PKIG: variants seen among roughly 807,000 people sequenced by gnomAD.
PKIG encodes cAMP-dependent protein kinase inhibitor gamma, also known as protein kinase (cAMP-dependent, catalytic) inhibitor gamma.
In PKIG, 1 loss-of-function variant was observed where a neutral mutation model predicts 6.8. That is an observed-to-expected ratio of 0.15 (90% CI 0.05 to 0.69). PKIG has a LOEUF of 0.69. Ranked by LOEUF, PKIG falls within the 30% of genes least tolerant of loss-of-function variation. The pLI is 0.82. For synonymous variants in PKIG, 39 were observed against 43.0 expected (o/e 0.91, Z 0.36); for missense variants, 77 against 104.0 (o/e 0.74, Z 1.13).
At chr20:44,588,961 T>C (rs181868908) in intron 1 of PKIG, among the ~76,000 whole-genome samples, 1 of 152,332 alleles carries the variant, frequency 6.6e-6, no homozygotes, top group East Asian at 1.9e-4. Flanking sequence ...AAATAGATAA[T>C]GTACAAAGTG....
chr20:44,532,847 C>G (rs568880723), intron 1 of PKIG, among the ~76,000 whole-genome samples: 1 of 152,210 alleles, frequency 6.6e-6, no homozygotes, highest in South Asian at 2.1e-4. Flanking sequence ...AGAGAAAAGC[C>G]TTGGGGAGAG....
At chr20:44,543,766 T>G (rs2064584106) in intron 1 of PKIG, among the ~76,000 whole-genome samples, 1 of 152,064 alleles carries the variant, frequency 6.6e-6, no homozygotes, top group South Asian at 2.1e-4. Context: ...AGAAAGATTG[T>G]CTTGGCTGGG....
intron 1 of PKIG, among the ~76,000 whole-genome samples, chr20:44,544,882 CTTTCTTTTCT>C (rs1220779820): frequency 7.3e-5 from 10 of 137,238 alleles, no homozygotes; most frequent in East Asian, 4.3e-4. Context: ...TGACTTTCCT[CTTTCTTTTCT>C]TTTCTTTTCT....
chr20:44,557,356 G>A (rs543084624), intron 1 of PKIG, among the ~76,000 whole-genome samples: 163 of 151,860 alleles, frequency 1.1e-3, no homozygotes, highest in African/African-American at 2.6e-3. Flanking sequence ...GTGGAACCTC[G>A]TCTCCACTAA....
At chr20:44,598,468 T>G in intron 2 of PKIG, 1 of 152,298 alleles carries the variant, frequency 6.6e-6, no homozygotes, top group Non-Finnish European at 1.5e-5. Context: ...CATTCCACAC[T>G]TGAGACTCCC....
At chr20:44,591,966 C>T (rs2065037348) in intron 2 of PKIG, among the ~76,000 whole-genome samples, 1 of 152,146 alleles carries the variant, frequency 6.6e-6, no homozygotes, top group South Asian at 2.1e-4. Context: ...CTCCCTGCAG[C>T]CAAGAAGGAC....
intron 3 of PKIG, among the ~76,000 whole-genome samples, chr20:44,616,880 A>G (rs926854248): frequency 6.6e-6 from 1 of 152,200 alleles, no homozygotes; most frequent in Admixed American, 6.5e-5. Flanking sequence ...CGGGCTCGGA[A>G]TAGGGTCCCG....
At chr20:44,570,472 T>C (rs1326149561) in intron 1 of PKIG, among the ~76,000 whole-genome samples, 5 of 152,210 alleles carry the variant, frequency 3.3e-5, no homozygotes, top group African/African-American at 1.2e-4. Flanking sequence ...GTGTGGACTT[T>C]GTCGTCATAC....
chr20:44,608,877 AATAG>A (rs2065190044), intron 2 of PKIG, among the ~76,000 whole-genome samples: 1 of 152,080 alleles, frequency 6.6e-6, no homozygotes, highest in Admixed American at 6.5e-5. Context: ...ATTTTCTTAG[AATAG>A]ATTATTATAA....
chr20:44,614,766 G>A lies in PKIG; in HGVS notation c.151+59G>A. ...GCCAGAGGCCCTCTGCCGGGCCCCG[G>A]GCTAGCCTCCAAGTCCTAGACTGCC... On this transcript the variant is annotated intron_variant, in intron 3 of 3. Transcript: ENST00000372886. The surrounding 1 kb of genome is among the most constrained non-coding windows in gnomAD (Gnocchi z 4.6). 6.3e-7 allele frequency: 1 copy of A among 1,581,576 alleles called. No homozygotes were observed. Among genetic ancestry groups the A allele is most frequent in the Non-Finnish European group, 8.6e-7 (1 of 1,157,888 alleles).
intron 1 of PKIG, among the ~76,000 whole-genome samples, chr20:44,537,334 C>G (rs1024859796): frequency 3.3e-5 from 5 of 152,114 alleles, no homozygotes; most frequent in Admixed American, 6.5e-5. Flanking sequence ...AACTCCCAAC[C>G]TCAGGTGATC....
chr20:44,613,377 A>G (rs189109880), intron 2 of PKIG, among the ~76,000 whole-genome samples: 8 of 152,266 alleles, frequency 5.3e-5, no homozygotes, highest in Non-Finnish European at 8.8e-5. Flanking sequence ...TGTGTTAGCC[A>G]GGATGGTCTT....
chr20:44,597,548 T>C (rs146671625), intron 2 of PKIG, among the ~76,000 whole-genome samples: 5 of 152,286 alleles, frequency 3.3e-5, no homozygotes, highest in Non-Finnish European at 7.4e-5. Context: ...TTCTCCACGG[T>C]GTATTTTGGA....
At chr20:44,616,356 T>C (rs1179280950) in intron 3 of PKIG, among the ~76,000 whole-genome samples, 3 of 152,168 alleles carry the variant, frequency 2.0e-5, no homozygotes, top group Non-Finnish European at 4.4e-5. Context: ...TGGTGGTGTT[T>C]GGCACATGAT....
At chr20:44,538,360 G>T (rs756450056) in intron 1 of PKIG, among the ~76,000 whole-genome samples, 1 of 152,196 alleles carries the variant, frequency 6.6e-6, no homozygotes, top group Non-Finnish European at 1.5e-5. Flanking sequence ...ATCAGAGGAT[G>T]TGACAGATCC....
intron 1 of PKIG, among the ~76,000 whole-genome samples, chr20:44,552,320 G>A (rs2064676250): frequency 6.6e-6 from 1 of 152,186 alleles, no homozygotes; most frequent in Non-Finnish European, 1.5e-5. Flanking sequence ...ATTTGATTGT[G>A]TGTTTCCCTT....
At chr20:44,579,911 G>C (rs1547430), upstream of PKIG, among the ~76,000 whole-genome samples, 62,677 of 152,012 alleles carry the variant, frequency 0.41, 15,493 homozygotes, top group Non-Finnish European at 0.57. Context: ...TGGAATAAAG[G>C]CTCAGCCAAA....
At chr20:44,576,806 G>A (rs1332496302) in intron 1 of PKIG, among the ~76,000 whole-genome samples, 3 of 152,084 alleles carry the variant, frequency 2.0e-5, no homozygotes, top group African/African-American at 4.8e-5. Flanking sequence ...GTGGGAAGTG[G>A]TTTGAAAAAA....
intron 1 of PKIG, among the ~76,000 whole-genome samples, chr20:44,540,520 A>G (rs1287042005): frequency 6.6e-6 from 1 of 152,164 alleles, no homozygotes; most frequent in Non-Finnish European, 1.5e-5. Context: ...AGTTATGTGA[A>G]AAACCTTCCA....
Sources: allele counts gnomAD v4.1 joint callset (sites outside exome capture counted in the v4.1 genomes callset), GRCh38; gene constraint gnomAD v4.1.1; non-coding constraint Gnocchi (gnomAD v3.1); transcripts MANE v1.5; gene names NCBI Gene and HGNC (gene_info 2026-07-23, HGNC 2026-07-21).